POLA1: variants seen among roughly 807,000 people sequenced by gnomAD.
The protein encoded by POLA1 is DNA polymerase alpha 1, catalytic subunit.
POLA1 carries 15 observed loss-of-function variants against 124.0 expected under a neutral mutation model. That is an observed-to-expected ratio of 0.12 (90% CI 0.08 to 0.19). The LOEUF is 0.19. Among genes scored for constraint, POLA1 ranks in the 10% least tolerant of loss-of-function variants. POLA1 has a pLI of 1.00. For missense variants in POLA1, 886 were observed against 1,103.4 expected (o/e 0.80, Z 2.79); for synonymous variants, 408 against 389.4 (o/e 1.05, Z -0.56).
intron 22 of POLA1, 40 bp downstream of exon 22, chrX:24,742,161 C>T (rs199970290): frequency 1.9e-5 from 10 of 518,184 alleles, no homozygotes; most frequent in Non-Finnish European, 2.4e-5. Context: ...TTCTCTTAAC[C>T]CCCCCCCCCC....
intron 35 of POLA1, among the ~76,000 whole-genome samples, chrX:24,901,268 CA>C (rs1438873142): frequency 1.8e-5 from 2 of 111,242 alleles, no homozygotes; most frequent in African/African-American, 6.5e-5. Flanking sequence ...CTCCTTGAAA[CA>C]GTAATAGTAA....
At chrX:24,814,347 T>C (rs1031079649) in intron 29 of POLA1, among the ~76,000 whole-genome samples, 2 of 112,572 alleles carry the variant, frequency 1.8e-5, no homozygotes, top group African/African-American at 3.2e-5. Context: ...GGATAAAATA[T>C]TGGCTTTCTT....
At position 24,859,179 on chromosome X, in the gene POLA1, C is replaced by T. The variant is rs780023533; in HGVS notation, c.4047+15502C>T. Among the ~76,000 whole-genome samples, 4 of 111,765 alleles carry T rather than the reference C, an allele frequency of 3.6e-5. No homozygotes were observed. In the South Asian group the frequency reaches 1.5e-3, roughly 42 times the overall value. On this transcript the variant is annotated intron_variant, in intron 34 of 36. Coordinates refer to ENST00000379068, the MANE Select transcript of POLA1 (RefSeq NM_001330360.2). ...CCTTGTCTTTGTATCAGTCCATTCTCTATATCATTTCCAGGATTATTTTTC... is the reference window on the plus strand; with the variant it reads ...CCTTGTCTTTGTATCAGTCCATTCTTTATATCATTTCCAGGATTATTTTTC...
At chrX:24,727,223 C>T (rs1335373634) in intron 14 of POLA1, 152 bp downstream of exon 14, 2 of 450,233 alleles carry the variant, frequency 4.4e-6, no homozygotes, top group African/African-American at 5.2e-5. Flanking sequence ...ATAGGGAGTA[C>T]ATTTGGAATC....
rs758250531 is a variant in POLA1 at position 24,905,720 on chromosome X, GC to G, written c.4164+17601del. Among the ~76,000 whole-genome samples, 3 of 110,299 alleles carry G rather than the reference GC, an allele frequency of 2.7e-5. No individual in the cohort carries two copies. The South Asian group carries it at 1.2e-3, about 44-fold the overall frequency. On this transcript the variant is annotated intron_variant, in intron 35 of 36. Coordinates refer to ENST00000379068, the MANE Select transcript of POLA1 (RefSeq NM_001330360.2). Reference sequence around the variant, plus strand: ...TGGGATTATAGGCACTCACCACCACGCCCGGCTAATTTTTGTATTTTTAGTA... The same window carrying G: ...TGGGATTATAGGCACTCACCACCACGCCGGCTAATTTTTGTATTTTTAGTA...
Position 24,738,708 on chromosome X carries a change from C to G in POLA1, c.2041-667C>G, listed in dbSNP as rs187676311. 3.6e-5 allele frequency among the ~76,000 whole-genome samples: 4 copies of G among 111,678 alleles called. No individual in the cohort carries two copies. In the East Asian group the frequency reaches 1.1e-3, roughly 31 times the overall value. ...CTTGCTTCATGTATGGAGGTTTTGGCAGTTTTTGTATGAAGCACCTTCTTC... is the reference window on the plus strand; with the variant it reads ...CTTGCTTCATGTATGGAGGTTTTGGGAGTTTTTGTATGAAGCACCTTCTTC... On this transcript the variant is annotated intron_variant, in intron 19 of 36. Coordinates refer to ENST00000379068, the MANE Select transcript of POLA1 (RefSeq NM_001330360.2).
At chrX:24,743,531 A>G (rs1931804610) in intron 23 of POLA1, among the ~76,000 whole-genome samples, 1 of 112,818 alleles carries the variant, frequency 8.9e-6, no homozygotes, top group African/African-American at 3.2e-5. Flanking sequence ...GCTGTGTTCC[A>G]ATAAAATATT....
At chrX:24,945,999 AT>A (rs1378909289) in intron 36 of POLA1, among the ~76,000 whole-genome samples, 2 of 111,891 alleles carry the variant, frequency 1.8e-5, no homozygotes, top group African/African-American at 6.5e-5. Flanking sequence ...AAATAAATGC[AT>A]TTCAACAAAA....
intron 26 of POLA1, among the ~76,000 whole-genome samples, chrX:24,796,510 A>T (rs2045608196): frequency 9.1e-6 from 1 of 110,245 alleles, no homozygotes; most frequent in South Asian, 4.0e-4. Context: ...AAGGTACTAG[A>T]GGAGGAATGA....
intron 35 of POLA1, among the ~76,000 whole-genome samples, chrX:24,902,002 GTGCACA>G (rs1174203696): frequency 1.9e-5 from 2 of 106,906 alleles, no homozygotes; most frequent in Non-Finnish European, 3.8e-5. Flanking sequence ...GTGCATGTGC[GTGCACA>G]CACACACACA....
chrX:24,894,524 T>C (rs2047180523), intron 35 of POLA1, among the ~76,000 whole-genome samples: 1 of 112,286 alleles, frequency 8.9e-6, no homozygotes, highest in Admixed American at 9.4e-5. Flanking sequence ...ATCCAAGTGT[T>C]GGCGGGGCCA....
chrX:24,957,112 A>C (rs1023190504), intron 36 of POLA1, among the ~76,000 whole-genome samples: 2 of 111,857 alleles, frequency 1.8e-5, no homozygotes, highest in South Asian at 3.8e-4. Flanking sequence ...GAATGGTTCA[A>C]GATTTTAGTA....
At chrX:24,713,982 C>T (rs1460032273) in intron 4 of POLA1, among the ~76,000 whole-genome samples, 1 of 112,187 alleles carries the variant, frequency 8.9e-6, no homozygotes, top group African/African-American at 3.2e-5. Context: ...CCCAAATTCT[C>T]ACTTTTTTAA....
At chrX:24,812,306 T>A (rs779390118) in intron 28 of POLA1, among the ~76,000 whole-genome samples, 2 of 112,559 alleles carry the variant, frequency 1.8e-5, no homozygotes, top group Non-Finnish European at 3.8e-5. Flanking sequence ...AACTGAATAG[T>A]TTGAAGGCAA....
At chrX:24,977,053 T>C (rs1053942768) in intron 36 of POLA1, among the ~76,000 whole-genome samples, 11 of 112,338 alleles carry the variant, frequency 9.8e-5, no homozygotes, top group Admixed American at 8.5e-4. Context: ...CTGATGACCC[T>C]CGCGGCCTGA....
At chrX:24,984,727 T>C (rs1255580277) in intron 36 of POLA1, among the ~76,000 whole-genome samples, 1 of 101,384 alleles carries the variant, frequency 9.9e-6, no homozygotes, top group Non-Finnish European at 2.0e-5. Flanking sequence ...TGGCGCGATC[T>C]CGGCTCACTG....
chrX:24,931,114 A>G (rs2047771816), intron 36 of POLA1, among the ~76,000 whole-genome samples: 1 of 111,194 alleles, frequency 9.0e-6, no homozygotes, highest in Non-Finnish European at 1.9e-5. Context: ...GTGGGACTTA[A>G]TGGGTCTGGG....
rs1374472829 is a variant in POLA1, at chrX:24,841,766, G to T, written c.3851G>T (p.Arg1284Ile). Residue 1284 changes from arginine to isoleucine, a missense_variant, in exon 33 of 37, where the codon AGA (arginine) becomes ATA (isoleucine). By Grantham distance (97) the Arg-to-Ile change is moderately conservative (BLOSUM62 -3). Coordinates refer to ENST00000379068, the MANE Select transcript of POLA1 (RefSeq NM_001330360.2). Reference sequence around the variant, plus strand: ...GAAGAGAAATACAGGGACTGTGAAAGATTCAAATGTCCATGCCCTACATGT... The same window carrying T: ...GAAGAGAAATACAGGGACTGTGAAATATTCAAATGTCCATGCCCTACATGT... ...TDEEKYRDCE[R>I]FKCPCPTCGT... is the part of the protein sequence containing the mutation. 8.4e-7 allele frequency: 1 copy of T among 1,194,337 alleles called. No homozygotes were observed. Among genetic ancestry groups the T allele is most frequent in the East Asian group, 3.0e-5 (1 of 33,631 alleles).
chrX:24,733,620 T>C (rs1303012632), intron 16 of POLA1, 135 bp from the exon 17 acceptor site: 2 of 355,391 alleles, frequency 5.6e-6, no homozygotes, highest in Non-Finnish European at 5.0e-6. Flanking sequence ...GTGGAAGTAT[T>C]TGATGACCCT....
Sources: gnomAD v4.1 joint callset for allele counts (sites outside exome capture counted in the v4.1 genomes callset) on GRCh38, gnomAD v4.1.1 for gene constraint, MANE v1.5 for transcripts, NCBI Gene and HGNC (gene_info 2026-07-23, HGNC 2026-07-21) for gene names.